ALG6: variants seen among roughly 807,000 people sequenced by gnomAD.
ALG6 encodes the protein dolichyl pyrophosphate Man9GlcNAc2 alpha-1,3-glucosyltransferase.
In ALG6, 46 loss-of-function variants were observed where a neutral mutation model predicts 66.6. That is an observed-to-expected ratio of 0.69 (90% confidence interval 0.55 to 0.88). The LOEUF (loss-of-function observed/expected upper bound fraction) is 0.88. ALG6 is among the 40% of genes least tolerant of loss of function. The pLI, the probability that ALG6 is intolerant of heterozygous loss-of-function variation, is 0.00. For missense variants in ALG6, 505 were observed against 586.8 expected, an observed-to-expected ratio of 0.86 and a Z score of 1.44; for synonymous variants, 185 against 203.7, an observed-to-expected ratio of 0.91 and a Z score of 0.78.
At chr1:63,383,164 A>C (rs1267626973) in intron 2 of ALG6, among the ~76,000 whole-genome samples, 1 of 151,086 alleles carries the variant, frequency 6.6e-6, no homozygotes, top group Non-Finnish European at 1.5e-5. Flanking sequence ...GTGCTCCAGC[A>C]CAGGCTGGAG....
intron 3 of ALG6, among the ~76,000 whole-genome samples, chr1:63,400,241 ATACGTATATATATG>A (rs1557587403): frequency 0.043 from 678 of 15,858 alleles, 143 homozygotes; most frequent in South Asian, 0.12. Flanking sequence ...ATATATATAT[ATACGTATATATATG>A]TATATATATA....
At position 63,384,717 on chromosome 1, in the gene ALG6, T is replaced by A. The variant is rs145542412; in HGVS notation, c.83-11796T>A. Among the ~76,000 whole-genome samples, 526 of 152,246 alleles carry A rather than the reference T, an allele frequency of 3.5e-3. 3 individuals are homozygous for A. The highest frequency in any genetic ancestry group is 0.011 in the African/African-American group (466 of 41,544). ...CATTTTCTGCATATAGATATCCAAT[T>A]TTCCCCCAAAGAGACTCTCTTTTCC... is the stretch of plus-strand genomic sequence containing the variant. On this transcript the variant is annotated intron_variant, in intron 2 of 14. Coordinates refer to ENST00000263440, the MANE Select transcript of ALG6 (RefSeq NM_013339.4).
chr1:63,399,070 A>G (rs1644430496), intron 3 of ALG6, among the ~76,000 whole-genome samples: 1 of 152,122 alleles, frequency 6.6e-6, no homozygotes, highest in African/African-American at 2.4e-5. Flanking sequence ...AGAAGGATCC[A>G]TTTCCAAGTT....
In ALG6 at chr1:63,412,616, G is replaced by T. The variant is rs545060800; in HGVS notation, c.816+555G>T. On this transcript the variant is annotated intron_variant, in intron 9 of 14. Transcript: ENST00000263440. Reference sequence around the variant, plus strand: ...TAAAACTAATAATCATGTTGCTTCAGGAAGATCTCATAATTTCTTATGAGA... The same window carrying T: ...TAAAACTAATAATCATGTTGCTTCATGAAGATCTCATAATTTCTTATGAGA... 1.4e-4 allele frequency among the ~76,000 whole-genome samples: 22 copies of T among 152,138 alleles called. No homozygotes were observed. The South Asian group carries it at 4.6e-3, about 32-fold the overall frequency.
intron 2 of ALG6, among the ~76,000 whole-genome samples, chr1:63,381,838 A>C (rs1450870811): frequency 6.6e-6 from 1 of 152,148 alleles, no homozygotes; most frequent in Non-Finnish European, 1.5e-5. Context: ...CTGTTGATTA[A>C]AATACTATTT....
intron 3 of ALG6, among the ~76,000 whole-genome samples, chr1:63,399,059 G>C (rs1469751928): frequency 6.6e-6 from 1 of 152,134 alleles, no homozygotes; most frequent in African/African-American, 2.4e-5. Flanking sequence ...GGCTCAAATG[G>C]AGAAGGATCC....
chr1:63,384,166 C>T (rs1008319642), intron 2 of ALG6, among the ~76,000 whole-genome samples: 3 of 152,070 alleles, frequency 2.0e-5, no homozygotes, highest in Non-Finnish European at 4.4e-5. Context: ...TATTGCCTGT[C>T]GTTTGGATAA....
chr1:63,388,473 A>C (rs892096290), intron 2 of ALG6, among the ~76,000 whole-genome samples: 1 of 152,242 alleles, frequency 6.6e-6, no homozygotes, highest in Non-Finnish European at 1.5e-5. Flanking sequence ...AAAATTAACA[A>C]AAACTCTACA....
At position 63,398,420 on chromosome 1, in the gene ALG6, G is replaced by T. The variant is rs1644422401; in HGVS notation, c.167+1823G>T. Among the ~76,000 whole-genome samples the T allele has an allele frequency of 2.0e-5, 3 of 152,254 alleles. No homozygotes were observed. In the South Asian group the frequency reaches 6.2e-4, roughly 32 times the overall value. On this transcript the variant is annotated intron_variant, in intron 3 of 14. Transcript: ENST00000263440. ...TTAGTAATACCGGACTTTTAAAATTGGCACTTCCTTGAGTAATTGTGACCT... is the reference window on the plus strand; with the variant it reads ...TTAGTAATACCGGACTTTTAAAATTTGCACTTCCTTGAGTAATTGTGACCT...
At chr1:63,380,086 AAAG>A (rs1201224735) in intron 2 of ALG6, among the ~76,000 whole-genome samples, 44 of 152,184 alleles carry the variant, frequency 2.9e-4, no homozygotes, top group Admixed American at 2.9e-3. Flanking sequence ...GAGAATGATT[AAAG>A]GAGACTGAGA....
At position 63,428,636 on chromosome 1, in the gene ALG6, T is replaced by G. The variant is rs1644629470; in HGVS notation, c.1059-97T>G. 5 of 969,298 alleles carry G rather than the reference T, an allele frequency of 5.2e-6. No homozygotes were observed. In the East Asian group the frequency reaches 1.3e-4, roughly 26 times the overall value. The allele number at this position is 969,298 out of a possible 1,614,324, so 60.0% of individuals were successfully genotyped here. ...TTCCTGGCTGTTTTTAAGCTACCGC[T>G]GAAAATCAGACAGATAAAATGTATT... is the stretch of plus-strand genomic sequence containing the variant. On this transcript the variant is annotated intron_variant, in intron 12 of 14. Transcript: ENST00000263440.
In ALG6 at chr1:63,437,163, ATTG is replaced by A. The variant is rs1379849306; in HGVS notation, c.*148_*150del. 1.3e-6 allele frequency: 1 copy of A among 747,336 alleles called. No homozygotes were observed. Among genetic ancestry groups the A allele is most frequent in the African/African-American group, 1.8e-5 (1 of 56,768 alleles). The allele number at this position is 747,336 out of a possible 1,614,324, so 46.3% of individuals were successfully genotyped here. A position where few individuals can be genotyped will look rare whatever the true frequency, so the allele number is the denominator to read the frequency against. ...ACAGGAAAGGAAATGGTGAAAAGTC[ATTG>A]TTGTCTACACAAAATAAATGTATAT... On this transcript the variant is annotated 3_prime_UTR_variant, in exon 15 of 15. Coordinates refer to ENST00000263440, the MANE Select transcript of ALG6 (RefSeq NM_013339.4).
intron 12 of ALG6, among the ~76,000 whole-genome samples, chr1:63,422,462 A>T (rs1327182152): frequency 8.1e-6 from 1 of 123,716 alleles, no homozygotes; most frequent in Non-Finnish European, 1.6e-5. Flanking sequence ...TATAAATATA[A>T]ATATATATAT....
intron 12 of ALG6, among the ~76,000 whole-genome samples, chr1:63,422,255 T>TTATATAGATATAAATATATA (rs1644584624): frequency 1.6e-5 from 1 of 60,922 alleles, no homozygotes; most frequent in South Asian, 4.9e-4. Context: ...ATATATATAT[T>TTATATAGATATAAATATATA]TATATAGATA....
intron 4 of ALG6, among the ~76,000 whole-genome samples, chr1:63,404,037 T>C (rs946198888): frequency 6.6e-6 from 1 of 152,226 alleles, no homozygotes; most frequent in Non-Finnish European, 1.5e-5. Flanking sequence ...TTTTATGCAG[T>C]GATTTATGAT....
At chr1:63,435,169 C>CT (rs1477832370) in intron 14 of ALG6, among the ~76,000 whole-genome samples, 3 of 152,196 alleles carry the variant, frequency 2.0e-5, no homozygotes, top group Admixed American at 2.0e-4. Flanking sequence ...TTATAGGCAA[C>CT]TGTTTTGGGA....
At position 63,436,810 on chromosome 1, in the gene ALG6, T is replaced by C. The variant is rs778302658; in HGVS notation, c.1327-13T>C. ...CCTTTTATACTACTCAGTAATCCTT[T>C]TTTTCCTTGCAGTTTCTTATCTCAG... On this transcript the variant is annotated splice_polypyrimidine_tract_variant and intron_variant, in intron 14 of 14. Transcript: ENST00000263440. 6.2e-7 allele frequency: 1 copy of C among 1,613,216 alleles called. No individual in the cohort carries two copies.
chr1:63,400,487 C>T (rs1644459821), intron 3 of ALG6, among the ~76,000 whole-genome samples: 1 of 149,932 alleles, frequency 6.7e-6, no homozygotes, highest in South Asian at 2.1e-4. Flanking sequence ...CCTCTTTGTT[C>T]TGCTTTATGA....
chr1:63,409,646 G>A (rs1440395081), intron 7 of ALG6, among the ~76,000 whole-genome samples: 1 of 151,836 alleles, frequency 6.6e-6, no homozygotes, highest in Admixed American at 6.6e-5. Context: ...TTCTTTCATG[G>A]TCATTTAGTT....
Sources: gnomAD v4.1 joint callset for allele counts (sites outside exome capture counted in the v4.1 genomes callset) on GRCh38, gnomAD v4.1.1 for gene constraint, MANE v1.5 for transcripts, NCBI Gene and HGNC (gene_info 2026-07-23, HGNC 2026-07-21) for gene names.